ZC3H18: variants seen among roughly 807,000 people sequenced by gnomAD.
ZC3H18 encodes the protein zinc finger CCCH-type containing 18.
ZC3H18 carries 8 observed loss-of-function variants against 106.1 expected under a neutral mutation model. That is an observed-to-expected ratio of 0.08 (90% CI 0.04 to 0.14). The LOEUF is 0.14. Among genes scored for constraint, ZC3H18 ranks in the 10% least tolerant of loss-of-function variants. The pLI is 1.00. For missense variants in ZC3H18, 1,318 were observed against 1,278.4 expected (o/e 1.03, Z -0.47); for synonymous variants, 635 against 522.1 (o/e 1.22, Z -2.95).
chr16:88,612,502 TA>T (rs759451397), intron 8 of ZC3H18, among the ~76,000 whole-genome samples: 587 of 132,838 alleles, frequency 4.4e-3, no homozygotes, highest in Middle Eastern at 0.011. Context: ...CATCTCTATT[TA>T]AAAAAAAAAA....
At chr16:88,604,892 C>T (rs1904936092) in intron 6 of ZC3H18, among the ~76,000 whole-genome samples, 1 of 152,082 alleles carries the variant, frequency 6.6e-6, no homozygotes, top group Non-Finnish European at 1.5e-5. Context: ...GCTGTCAGGC[C>T]ATGGCCAGGG....
chr16:88,624,825 G>C (rs182420317), intron 12 of ZC3H18, 80 bp downstream of exon 12: 2 of 1,496,380 alleles, frequency 1.3e-6, no homozygotes, highest in East Asian at 4.8e-5. Context: ...TGGAAATCCA[G>C]AGTGCCAGGG....
intron 6 of ZC3H18, among the ~76,000 whole-genome samples, chr16:88,602,968 CT>C (rs1029970086): frequency 2.2e-3 from 315 of 144,862 alleles, no homozygotes; most frequent in Middle Eastern, 3.6e-3. Context: ...GTTGTTCCTT[CT>C]TTTTTTTTTT....
chr16:88,583,171 G>A (rs1915235975), intron 2 of ZC3H18, among the ~76,000 whole-genome samples: 1 of 152,208 alleles, frequency 6.6e-6, no homozygotes, highest in African/African-American at 2.4e-5. Context: ...TTGTACAGAA[G>A]CTCCAGTGTG....
At chr16:88,628,972 G>C in intron 16 of ZC3H18, 118 bp downstream of exon 16, 1 of 901,948 alleles carries the variant, frequency 1.1e-6, no homozygotes, top group South Asian at 1.6e-5. Context: ...GAGAACATCT[G>C]ACTTGCAGAT....
intron 7 of ZC3H18, 104 bp downstream of exon 7, chr16:88,609,155 G>GAGCC: frequency 1.1e-6 from 1 of 875,356 alleles, no homozygotes; most frequent in Non-Finnish European, 1.7e-6. Flanking sequence ...TGAGCTTATA[G>GAGCC]AGCCAGCACA....
intron 1 of ZC3H18, among the ~76,000 whole-genome samples, chr16:88,576,783 C>A (rs892717979): frequency 6.6e-6 from 1 of 152,246 alleles, no homozygotes; most frequent in Admixed American, 6.5e-5. Context: ...CCTTTGCGAT[C>A]CGTATCGTTA....
intron 8 of ZC3H18, among the ~76,000 whole-genome samples, chr16:88,619,106 C>A (rs1905800449): frequency 6.6e-6 from 1 of 152,148 alleles, no homozygotes; most frequent in South Asian, 2.1e-4. Context: ...CAGTGCTCAG[C>A]CTTGCTTTCT....
chr16:88,628,780 A>T lies in ZC3H18; in HGVS notation c.2492A>T (p.Lys831Met), dbSNP rs1048637427. 1.2e-6 allele frequency: 2 copies of T among 1,612,262 alleles called. No individual in the cohort carries two copies. The highest frequency in any genetic ancestry group is 1.7e-6 in the Non-Finnish European group (2 of 1,178,938). Residue 831 changes from lysine (K) to methionine (M), a missense_variant, in exon 16 of 18, where the codon AAG becomes ATG. Lys to Met is a moderately conservative substitution (Grantham distance 95, BLOSUM62 -1). Transcript: ENST00000301011. The stretch of plus-strand genomic sequence containing the variant: ...CAGGCGGCTGATAAAGGAAGCAGGA[A>T]GCGCTATGAACCATCAGACAAGGAC... ...LNKAADKGSR[K>M]RYEPSDKDRQ...
At chr16:88,619,501 G>C (rs1905826649) in intron 8 of ZC3H18, among the ~76,000 whole-genome samples, 1 of 152,116 alleles carries the variant, frequency 6.6e-6, no homozygotes, top group Non-Finnish European at 1.5e-5. Context: ...GAGAAGGAGA[G>C]ACCTCACTGA....
intron 16 of ZC3H18, among the ~76,000 whole-genome samples, chr16:88,629,287 T>C (rs1420703374): frequency 1.3e-5 from 2 of 152,180 alleles, no homozygotes; most frequent in Non-Finnish European, 2.9e-5. Flanking sequence ...CCAGCCTGGC[T>C]AACATGGTGA....
In ZC3H18 at chr16:88,577,169, G is replaced by A; in HGVS notation, c.46G>A (p.Asp16Asn). Residue 16 changes from aspartate to asparagine, a missense_variant, in exon 2 of 18, where the codon GAT becomes AAT. Physicochemically the swap from Asp to Asn is conservative, Grantham distance 23. Coordinates refer to ENST00000301011, the MANE Select transcript of ZC3H18 (RefSeq NM_144604.4). ...TGAACGGGATCCTCACTCTCCAGAG[G>A]ATGAAGAGCAGCCACAGGGACTCTC... ...SPERDPHSPE[D>N]EEQPQGLSDD... 1 of 1,602,222 alleles carries A rather than the reference G, an allele frequency of 6.2e-7. No individual in the cohort carries two copies.
intron 17 of ZC3H18, among the ~76,000 whole-genome samples, 175 bp downstream of exon 17, chr16:88,630,756 A>ACC (rs1281479340): frequency 0.021 from 1,037 of 50,096 alleles, 83 homozygotes; most frequent in African/African-American, 0.064. Flanking sequence ...CCCACCCCCC[A>ACC]CCCCCCCCCA....
In ZC3H18 at chr16:88,624,227, T is replaced by G. The variant is rs369822288; in HGVS notation, c.1898+165T>G. ...TGGGCTGGGAGGCACTGGGCACAGCTCCTGTTCTCACGGGCCACCCTTACA... is the reference window on the plus strand; with the variant it reads ...TGGGCTGGGAGGCACTGGGCACAGCGCCTGTTCTCACGGGCCACCCTTACA... On this transcript the variant is annotated intron_variant, in intron 11 of 17. Coordinates refer to ENST00000301011, the MANE Select transcript of ZC3H18 (RefSeq NM_144604.4). The G allele has an allele frequency of 1.1e-5, 10 of 945,458 alleles. No homozygotes were observed. In the African/African-American group the frequency reaches 1.5e-4, roughly 14 times the overall value. The allele number at this position is 945,458 out of a possible 1,614,324, so 58.6% of individuals were successfully genotyped here. A position where few individuals can be genotyped will look rare whatever the true frequency, so the allele number is the denominator to read the frequency against.
rs117556024 is a variant in ZC3H18 at position 88,588,699 on chromosome 16, A to G, written c.688+2015A>G. Among the ~76,000 whole-genome samples, 691 of 152,232 alleles carry G rather than the reference A, an allele frequency of 4.5e-3. 7 individuals carry two copies. Among genetic ancestry groups the G allele is most frequent in the East Asian group, 0.031 (161 of 5,182 alleles). The stretch of plus-strand genomic sequence containing the variant: ...AGTTTGAGACCAGCCTGGGCAACAT[A>G]GTGAGACCTTGTCTCTACAAAAAAT... On this transcript the variant is annotated intron_variant, in intron 3 of 17. Coordinates refer to ENST00000301011, the MANE Select transcript of ZC3H18 (RefSeq NM_144604.4).
At chr16:88,593,196 A>G (rs572829720) in intron 3 of ZC3H18, among the ~76,000 whole-genome samples, 30 of 152,166 alleles carry the variant, frequency 2.0e-4, no homozygotes, top group African/African-American at 7.0e-4. Flanking sequence ...GCCACTTAGC[A>G]TTGGGCCCCC....
chr16:88,588,869 A>G (rs927249882), intron 3 of ZC3H18, among the ~76,000 whole-genome samples: 34 of 151,748 alleles, frequency 2.2e-4, no homozygotes, highest in Admixed American at 6.5e-5. Flanking sequence ...CCTGGGCGAC[A>G]GTGAGACTCA....
intron 1 of ZC3H18, among the ~76,000 whole-genome samples, chr16:88,571,070 C>A (rs74033309): frequency 0.095 from 14,513 of 152,282 alleles, 830 homozygotes; most frequent in Middle Eastern, 0.16. Flanking sequence ...AAGACGCGCG[C>A]CGGTCTCTTA....
intron 13 of ZC3H18, chr16:88,625,583 G>A (rs1410290469): frequency 1.6e-5 from 6 of 370,466 alleles, no homozygotes; most frequent in Non-Finnish European, 2.5e-5. Flanking sequence ...ACCTGGGGAG[G>A]AGCCGGCAGC....
Sources: gnomAD v4.1 joint callset for allele counts (sites outside exome capture counted in the v4.1 genomes callset) on GRCh38, gnomAD v4.1.1 for gene constraint, MANE v1.5 for transcripts, NCBI Gene and HGNC (gene_info 2026-07-23, HGNC 2026-07-21) for gene names.